The following ZNF148 variants were observed in gnomAD, a reference collection of about 807,000 sequenced individuals.
The protein encoded by ZNF148 is zinc finger protein 148.
ZNF148 carries 7 observed loss-of-function variants against 67.7 expected under a neutral mutation model. The observed-to-expected ratio is 0.10, with a 90% confidence interval of 0.06 to 0.19. The LOEUF is 0.19. ZNF148 is among the 10% of genes least tolerant of loss of function. The pLI, the probability that ZNF148 is intolerant of heterozygous loss-of-function variation, is 1.00. For synonymous variants in ZNF148, 333 were observed against 330.7 expected (o/e 1.01, Z -0.08); for missense variants, 583 against 947.1 (o/e 0.62, Z 5.05).
At chr3:125,354,237 T>C (rs1004697949) in intron 1 of ZNF148, among the ~76,000 whole-genome samples, 2 of 152,146 alleles carry the variant, frequency 1.3e-5, no homozygotes, top group Non-Finnish European at 1.5e-5. Context: ...TCTTTGCTCA[T>C]ATTGTCTTTT....
chr3:125,255,687 G>GT (rs1199317334), intron 7 of ZNF148, among the ~76,000 whole-genome samples: 1 of 151,472 alleles, frequency 6.6e-6, no homozygotes, highest in Non-Finnish European at 1.5e-5. Flanking sequence ...TTTTACCTTC[G>GT]TTTTTTATGA....
rs1339859486 is a variant in ZNF148, at chr3:125,270,132, T to G, written c.667+7594A>C. On this transcript the variant is annotated intron_variant, in intron 7 of 8. Coordinates refer to ENST00000360647, the MANE Select transcript of ZNF148 (RefSeq NM_021964.3). ...AAGTAAAAATTTTAATTAAAAAAAG[T>G]TTAATAATTAACCTATGACCTCGTC... Among the ~76,000 whole-genome samples, 10 of 152,064 alleles carry G rather than the reference T, an allele frequency of 6.6e-5. No individual in the cohort carries two copies. In the East Asian group the frequency reaches 1.9e-3, roughly 29 times the overall value.
At chr3:125,311,336 G>C (rs573485829) in intron 4 of ZNF148, 1 of 153,090 alleles carries the variant, frequency 6.5e-6, no homozygotes, top group Non-Finnish European at 1.5e-5. Context: ...AGAAGAGTTA[G>C]GTTCTATTAG....
At chr3:125,336,676 C>CTTT (rs1559765728) in intron 1 of ZNF148, among the ~76,000 whole-genome samples, 1 of 46,138 alleles carries the variant, frequency 2.2e-5, no homozygotes, top group Non-Finnish European at 4.3e-5. Flanking sequence ...CCAGAAATCA[C>CTTT]CTTTTTTTTT....
chr3:125,322,957 AAC>A (rs970338910), intron 3 of ZNF148, among the ~76,000 whole-genome samples: 1 of 152,232 alleles, frequency 6.6e-6, no homozygotes, highest in African/African-American at 2.4e-5. Context: ...TCGGTATGAA[AAC>A]AGTTTCTCTG....
At chr3:125,373,732 T>C (rs995076477) in intron 1 of ZNF148, among the ~76,000 whole-genome samples, 8 of 152,172 alleles carry the variant, frequency 5.3e-5, no homozygotes, top group African/African-American at 1.9e-4. Flanking sequence ...GAGTATTCTC[T>C]CACTGGAGAA....
chr3:125,328,869 G>A (rs1311086361), intron 2 of ZNF148, among the ~76,000 whole-genome samples: 1 of 152,000 alleles, frequency 6.6e-6, no homozygotes, highest in African/African-American at 2.4e-5. Flanking sequence ...CAAAGAGATA[G>A]AGAGATCCCC....
intron 1 of ZNF148, among the ~76,000 whole-genome samples, chr3:125,332,973 A>G (rs1350638161): frequency 6.6e-6 from 1 of 152,236 alleles, no homozygotes; most frequent in Non-Finnish European, 1.5e-5. Context: ...AATTGAATAG[A>G]AAAGGACACT....
chr3:125,323,464 CAACAAACATTATTTATGGTAGGA>C lies in ZNF148; in HGVS notation c.-152-43_-152-21del. 1.5e-6 allele frequency: 1 copy of C among 663,412 alleles called. No homozygotes were observed. Among genetic ancestry groups the C allele is most frequent in the Non-Finnish European group, 2.7e-6 (1 of 372,224 alleles). The allele number at this position is 663,412 out of a possible 1,614,324, so 41.1% of individuals were successfully genotyped here. A position where few individuals can be genotyped will look rare whatever the true frequency, so the allele number is the denominator to read the frequency against. ...CGATTCCTACAATAAAACACACACA[CAACAAACATTATTTATGGTAGGA>C]AAAGATACTATACAAATATAATATG... On this transcript the variant is annotated intron_variant, in intron 2 of 8. Coordinates refer to ENST00000360647, the MANE Select transcript of ZNF148 (RefSeq NM_021964.3).
At chr3:125,316,183 T>C (rs1329027077) in intron 3 of ZNF148, among the ~76,000 whole-genome samples, 1 of 152,202 alleles carries the variant, frequency 6.6e-6, no homozygotes, top group Non-Finnish European at 1.5e-5. Flanking sequence ...TGGATCTCAT[T>C]CTTTCTTTAT....
At chr3:125,255,236 CTTTTTTTTTTTTTTT>C (rs59309462) in intron 7 of ZNF148, among the ~76,000 whole-genome samples, 3 of 62,170 alleles carry the variant, frequency 4.8e-5, no homozygotes, top group East Asian at 9.2e-4. Flanking sequence ...TCTCCACCTG[CTTTTTTTTTTTTTTT>C]TTTTTTTTTT....
chr3:125,227,480 C>A lies in ZNF148; in HGVS notation c.*4861G>T, dbSNP rs190417974. The A allele has an allele frequency of 3.4e-3, 513 of 152,674 alleles. 5 individuals carry two copies. Among genetic ancestry groups the A allele is most frequent in the Non-Finnish European group, 4.0e-3 (269 of 68,002 alleles). The allele number at this position is 152,674 out of a possible 1,614,324, so 9.5% of individuals were successfully genotyped here. A position where few individuals can be genotyped will look rare whatever the true frequency, so the allele number is the denominator to read the frequency against. On this transcript the variant is annotated 3_prime_UTR_variant, in exon 9 of 9. Transcript: ENST00000360647. ...TCACACACATTTAATTTCTTCTGTA[C>A]AATGTTTATAAACTTGTTTTTCTTT...
intron 1 of ZNF148, among the ~76,000 whole-genome samples, chr3:125,348,098 A>C (rs1035687478): frequency 1.3e-5 from 2 of 151,748 alleles, no homozygotes; most frequent in African/African-American, 4.8e-5. Context: ...CTACCAAAAA[A>C]AAAATACAAA....
At chr3:125,294,557 G>T (rs541764440) in intron 4 of ZNF148, among the ~76,000 whole-genome samples, 10 of 152,206 alleles carry the variant, frequency 6.6e-5, no homozygotes, top group African/African-American at 2.4e-4. Flanking sequence ...GCATTTACAT[G>T]GCATTTTTAT....
intron 4 of ZNF148, among the ~76,000 whole-genome samples, chr3:125,298,618 A>AT (rs11312460): frequency 0.022 from 2,253 of 102,634 alleles, 30 homozygotes; most frequent in Admixed American, 0.032. Context: ...TTTATATTAA[A>AT]TTTTTTTTTT....
chr3:125,345,769 A>G (rs1269579961), intron 1 of ZNF148, among the ~76,000 whole-genome samples: 3 of 152,152 alleles, frequency 2.0e-5, no homozygotes, highest in African/African-American at 7.2e-5. Flanking sequence ...AAGATGAAAC[A>G]GAGAATATAA....
chr3:125,234,132 G>C, intron 8 of ZNF148, 79 bp downstream of exon 8: 2 of 1,236,220 alleles, frequency 1.6e-6, no homozygotes, highest in Non-Finnish European at 2.3e-6. Flanking sequence ...ATAGCTCTAA[G>C]TTGTAATATT....
At chr3:125,354,667 G>A (rs1335684837) in intron 1 of ZNF148, among the ~76,000 whole-genome samples, 3 of 152,206 alleles carry the variant, frequency 2.0e-5, no homozygotes, top group Admixed American at 6.5e-5. Context: ...GATACCCTAA[G>A]ATGTTTCAGT....
intron 3 of ZNF148, among the ~76,000 whole-genome samples, chr3:125,315,749 G>GTA (rs1940460560): frequency 2.0e-5 from 3 of 149,780 alleles, no homozygotes; most frequent in African/African-American, 7.4e-5. Context: ...ATATACATAA[G>GTA]TATATACATT....
Sources: allele counts gnomAD v4.1 joint callset (sites outside exome capture counted in the v4.1 genomes callset), GRCh38; gene constraint gnomAD v4.1.1; transcripts MANE v1.5; gene names NCBI Gene and HGNC (gene_info 2026-07-23, HGNC 2026-07-21).